MKNK1: variants seen among roughly 807,000 people sequenced by gnomAD.
MKNK1 encodes MAPK interacting serine/threonine kinase 1, also known as MAP kinase-interacting serine/threonine-protein kinase 1.
MKNK1 carries 30 observed loss-of-function variants against 49.3 expected under a neutral mutation model. That is an observed-to-expected ratio of 0.61 (90% CI 0.46 to 0.83). MKNK1 has a LOEUF of 0.83. Among genes scored for constraint, MKNK1 ranks in the 40% least tolerant of loss-of-function variants. The pLI is 0.00. For synonymous variants in MKNK1, 176 were observed against 201.7 expected (o/e 0.87, Z 1.08); for missense variants, 423 against 524.7 (o/e 0.81, Z 1.89).
At position 46,585,876 on chromosome 1, in the gene MKNK1, G is replaced by C. The variant is rs766156298; in HGVS notation, c.-2-2547C>G. ...ACACACACACAAAGACAGAGTACCT[G>C]GTATATTCTGCATGGATTTCAATGA... On this transcript the variant is annotated intron_variant, in intron 2 of 12. Transcript: ENST00000371945. 6.8e-5 allele frequency: 90 copies of C among 1,329,810 alleles called. 1 individual carries two copies. The South Asian group carries it at 1.0e-3, about 15-fold the overall frequency. The allele number at this position is 1,329,810 out of a possible 1,614,324, so 82.4% of individuals were successfully genotyped here.
chr1:46,575,099 T>C, intron 5 of MKNK1, 79 bp from the exon 6 acceptor site: 1 of 939,196 alleles, frequency 1.1e-6, no homozygotes, highest in Non-Finnish European at 1.6e-6. Context: ...AAATATACAA[T>C]GAAAAAAATA....
chr1:46,566,321 T>C (rs1221446442), intron 8 of MKNK1, among the ~76,000 whole-genome samples: 1 of 152,264 alleles, frequency 6.6e-6, no homozygotes, highest in East Asian at 1.9e-4. Context: ...TTGCAGCATG[T>C]ATCAAAACCT....
At chr1:46,575,049 A>C in intron 5 of MKNK1, 29 bp from the exon 6 acceptor site, 1 of 1,393,608 alleles carries the variant, frequency 7.2e-7, no homozygotes, top group South Asian at 1.2e-5. Context: ...GAGGAGAGGG[A>C]AAAGGGGGGA....
chr1:46,588,734 G>C (rs980944695), intron 2 of MKNK1, among the ~76,000 whole-genome samples: 18 of 152,056 alleles, frequency 1.2e-4, no homozygotes, highest in Admixed American at 3.9e-4. Flanking sequence ...GTAAACCCCG[G>C]GGGGCGGAGC....
Position 46,557,886 on chromosome 1 carries a change from A to G in MKNK1, c.*689T>C, listed in dbSNP as rs1667262677. ...GGAACAGCATGGTTAAAAACACCAA[A>G]CTTTTTTTTTAAAAAAACGATACTA... On this transcript the variant is annotated 3_prime_UTR_variant, in exon 13 of 13. Coordinates refer to ENST00000371945, the MANE Select transcript of MKNK1 (RefSeq NM_001135553.4). 1 of 152,222 alleles carries G rather than the reference A, an allele frequency of 6.6e-6. No individual in the cohort carries two copies. The highest frequency in any genetic ancestry group is 2.1e-4 in the South Asian group (1 of 4,806). The allele number at this position is 152,222 out of a possible 1,614,324, so 9.4% of individuals were successfully genotyped here. A position where few individuals can be genotyped will look rare whatever the true frequency, so the allele number is the denominator to read the frequency against.
intron 1 of MKNK1, among the ~76,000 whole-genome samples, chr1:46,603,147 T>C (rs1434647133): frequency 6.6e-6 from 1 of 152,186 alleles, no homozygotes; most frequent in East Asian, 1.9e-4. Context: ...AACCCTGGAT[T>C]TCCTCTTCAC....
intron 1 of MKNK1, among the ~76,000 whole-genome samples, chr1:46,602,965 G>A (rs1379111447): frequency 6.6e-6 from 1 of 152,174 alleles, no homozygotes; most frequent in Non-Finnish European, 1.5e-5. Flanking sequence ...CCATGGCTTC[G>A]CTTCATGCAA....
At chr1:46,582,971 C>A in intron 3 of MKNK1, 1 of 636,366 alleles carries the variant, frequency 1.6e-6, no homozygotes. Context: ...ATGGGTCTTC[C>A]TGCTCCCTGA....
intron 9 of MKNK1, among the ~76,000 whole-genome samples, chr1:46,563,255 C>T (rs1056899213): frequency 6.6e-6 from 1 of 152,198 alleles, no homozygotes; most frequent in Admixed American, 6.5e-5. Flanking sequence ...CTGTCGTGCT[C>T]CCCTGCTAGC....
chr1:46,597,744 C>T (rs541533941), intron 1 of MKNK1, among the ~76,000 whole-genome samples: 1 of 152,330 alleles, frequency 6.6e-6, no homozygotes, highest in East Asian at 1.9e-4. Context: ...CTACACCTAG[C>T]AGAGGCTCTG....
Position 46,597,667 on chromosome 1 carries a change from C to T in MKNK1, c.-170-3387G>A, listed in dbSNP as rs148117762. Among the ~76,000 whole-genome samples, 8 of 152,324 alleles carry T rather than the reference C, an allele frequency of 5.3e-5. No individual in the cohort carries two copies. The East Asian group carries it at 7.7e-4, about 15-fold the overall frequency. On this transcript the variant is annotated intron_variant, in intron 1 of 12. Transcript: ENST00000371945. ...TTAAATTACCTGTAACATTTTATTA[C>T]GCATCTTCCCCTAGACTGTTAGCCA... is the stretch of plus-strand genomic sequence containing the variant.
At position 46,561,566 on chromosome 1, in the gene MKNK1, G is replaced by A; in HGVS notation, c.881C>T (p.Ala294Val). The A allele has an allele frequency of 1.2e-6, 2 of 1,614,230 alleles. No homozygotes were observed. The highest frequency in any genetic ancestry group is 1.7e-6 in the Non-Finnish European group (2 of 1,180,040). Residue 294 changes from alanine to valine, a missense_variant, in exon 11 of 13, where the codon GCC becomes GTC. Transcript: ENST00000371945. The part of the protein sequence containing the change: ...DKDWAHISSE[A>V]KDLISKLLVR... ...CAGGAGCTTGGAGATGAGGTCTTTG[G>A]CTTCACTGGAGATGTGTGCCCAGTC...
intron 10 of MKNK1, 125 bp downstream of exon 10, chr1:46,562,524 G>A (rs919621013): frequency 3.1e-5 from 34 of 1,095,966 alleles, no homozygotes; most frequent in African/African-American, 9.8e-5. Flanking sequence ...TGACAGGAGC[G>A]GGAGAGGGCA....
intron 1 of MKNK1, among the ~76,000 whole-genome samples, chr1:46,599,530 A>T (rs1674476598): frequency 6.6e-6 from 1 of 152,208 alleles, no homozygotes; most frequent in African/African-American, 2.4e-5. Flanking sequence ...GACCTAGTCC[A>T]TGCAGCTTCC....
Position 46,594,112 on chromosome 1 carries a change from C to T in MKNK1, c.-3+1G>A, listed in dbSNP as rs1342414695. 6.2e-7 allele frequency: 1 copy of T among 1,602,214 alleles called. No homozygotes were observed. The highest frequency in any genetic ancestry group is 8.6e-7 in the Non-Finnish European group (1 of 1,169,350). Reference sequence around the variant, plus strand: ...TAACTAAAATGTACACCCAATCTTACCTATAGGTTTTTCCAACTTTTGAGA... The same window carrying T: ...TAACTAAAATGTACACCCAATCTTATCTATAGGTTTTTCCAACTTTTGAGA... On this transcript the variant is annotated splice_donor_variant, in intron 2 of 12. Transcript: ENST00000371945. LOFTEE classifies it low-confidence loss of function (5UTR_SPLICE).
At chr1:46,586,937 A>G (rs1253985613) in intron 2 of MKNK1, among the ~76,000 whole-genome samples, 2 of 152,180 alleles carry the variant, frequency 1.3e-5, no homozygotes, top group Non-Finnish European at 2.9e-5. Flanking sequence ...CCTCCAGAGT[A>G]GCTGGGACTA....
At chr1:46,573,377 TAACAG>T (rs1009351070) in intron 6 of MKNK1, among the ~76,000 whole-genome samples, 2 of 152,212 alleles carry the variant, frequency 1.3e-5, no homozygotes, top group African/African-American at 4.8e-5. Context: ...AACATGTAAT[TAACAG>T]TCAGTCATGT....
intron 5 of MKNK1, chr1:46,575,376 T>C (rs948160074): frequency 5.5e-6 from 1 of 182,402 alleles, no homozygotes; most frequent in African/African-American, 2.4e-5. Context: ...CACTGAATAC[T>C]AGGTGTGTGT....
chr1:46,601,549 C>G (rs569704031), intron 1 of MKNK1, among the ~76,000 whole-genome samples: 2 of 152,308 alleles, frequency 1.3e-5, no homozygotes, highest in African/African-American at 4.8e-5. Flanking sequence ...CAACAAAACT[C>G]ACGGTCAAGG....
Sources: gnomAD v4.1 joint callset for allele counts (sites outside exome capture counted in the v4.1 genomes callset) on GRCh38, gnomAD v4.1.1 for gene constraint, MANE v1.5 for transcripts, NCBI Gene and HGNC (gene_info 2026-07-23, HGNC 2026-07-21) for gene names.